The following GAS7 variants were observed in gnomAD, a reference collection of about 807,000 sequenced individuals.
GAS7 encodes the protein growth arrest specific 7.
A neutral mutation model predicts 71.1 loss-of-function variants in GAS7; 28 were observed. The ratio of observed to expected loss-of-function variants is 0.39; its 90% CI spans 0.29 to 0.54. GAS7 has a LOEUF of 0.54. Ranked by LOEUF, GAS7 falls within the 20% of genes least tolerant of loss-of-function variation. The pLI is 0.62. For missense variants in GAS7, 436 were observed against 627.8 expected, an observed-to-expected ratio of 0.69 and a Z score of 3.27; for synonymous variants, 258 against 245.8, an observed-to-expected ratio of 1.05 and a Z score of -0.46.
intron 1 of GAS7, among the ~76,000 whole-genome samples, chr17:10,135,985 G>A (rs1028246534): frequency 6.6e-6 from 1 of 152,180 alleles, no homozygotes; most frequent in Non-Finnish European, 1.5e-5. Flanking sequence ...GCATGACTTA[G>A]CGAGTTGGCC....
intron 1 of GAS7, chr17:10,039,935 T>C (rs1196767768): frequency 6.2e-6 from 2 of 323,274 alleles, no homozygotes; most frequent in Non-Finnish European, 1.2e-5. Flanking sequence ...TTCTCTTACA[T>C]GCCTGACAGC....
At chr17:9,935,671 C>T (rs1039404350) in intron 8 of GAS7, among the ~76,000 whole-genome samples, 51 of 152,278 alleles carry the variant, frequency 3.3e-4, no homozygotes, top group Middle Eastern at 3.4e-3. Flanking sequence ...GTGGTGGTGG[C>T]GCAGGCTCAG....
rs1305794931 is a variant in GAS7 at position 9,974,893 on chromosome 17, G to A, written c.386-5131C>T. Reference sequence around the variant, plus strand: ...CCATATCTCAGTACCGATCCCTGAGGGAAAAAGTCGCATCCTCAGAGCCCT... The same window carrying A: ...CCATATCTCAGTACCGATCCCTGAGAGAAAAAGTCGCATCCTCAGAGCCCT... On this transcript the variant is annotated intron_variant, in intron 3 of 13. Transcript: ENST00000432992. This position sits in a 1 kb window ranked among gnomAD's most constrained non-coding sequence, Gnocchi z 4.0. 8.5e-5 allele frequency among the ~76,000 whole-genome samples: 13 copies of A among 152,156 alleles called. No individual in the cohort carries two copies. Among genetic ancestry groups the A allele is most frequent in the Admixed American group, 7.9e-4 (12 of 15,274 alleles).
At chr17:10,046,785 AAAGGAAGGAAGG>A (rs57271954) in intron 1 of GAS7, among the ~76,000 whole-genome samples, 2,339 of 68,762 alleles carry the variant, frequency 0.034, 129 homozygotes, top group African/African-American at 0.071. Context: ...AGAAAGAAAG[AAAGGAAGGAAGG>A]AAGGAAGGAA....
chr17:10,006,265 G>T (rs1390905072), intron 2 of GAS7, among the ~76,000 whole-genome samples: 2 of 150,206 alleles, frequency 1.3e-5, no homozygotes, highest in African/African-American at 4.9e-5. Flanking sequence ...TTGTCCGGAT[G>T]CCAGGGTGCT....
intron 1 of GAS7, among the ~76,000 whole-genome samples, chr17:10,114,128 A>G (rs1171449581): frequency 6.6e-6 from 1 of 151,652 alleles, no homozygotes. Flanking sequence ...GGGTCTCCCT[A>G]TGTTGCGCAG....
At chr17:10,046,965 C>A (rs532154405) in intron 1 of GAS7, among the ~76,000 whole-genome samples, 2 of 152,010 alleles carry the variant, frequency 1.3e-5, no homozygotes, top group East Asian at 3.9e-4. Flanking sequence ...CACTCTCTGC[C>A]CATAATCTGA....
intron 1 of GAS7, among the ~76,000 whole-genome samples, chr17:10,131,121 C>T (rs964517721): frequency 2.6e-4 from 39 of 152,336 alleles, no homozygotes; most frequent in African/African-American, 9.4e-4. Context: ...TCCCTGACCC[C>T]TCCAGGTTAC....
At chr17:9,956,777 C>T (rs1244951803) in intron 5 of GAS7, among the ~76,000 whole-genome samples, 1 of 152,192 alleles carries the variant, frequency 6.6e-6, no homozygotes, top group African/African-American at 2.4e-5. Flanking sequence ...TCTGCGGGAT[C>T]AGACAGCACG....
At chr17:10,130,187 A>C (rs1025793212) in intron 1 of GAS7, among the ~76,000 whole-genome samples, 19 of 151,270 alleles carry the variant, frequency 1.3e-4, no homozygotes, top group African/African-American at 2.7e-4. Flanking sequence ...AAACAAAAAA[A>C]AACAAAAAAC....
At chr17:10,170,262 G>A (rs1345002701) in intron 1 of GAS7, among the ~76,000 whole-genome samples, 1 of 151,856 alleles carries the variant, frequency 6.6e-6, no homozygotes, top group Non-Finnish European at 1.5e-5. Context: ...CTGACACTCA[G>A]GGTAAATGTC....
chr17:9,926,561 C>T lies in GAS7; in HGVS notation c.1014+80G>A. The T allele has an allele frequency of 2.8e-6, 4 of 1,447,354 alleles. No individual in the cohort carries two copies. Among genetic ancestry groups the T allele is most frequent in the East Asian group, 2.3e-5 (1 of 44,022 alleles). The allele number at this position is 1,447,354 out of a possible 1,614,324, so 89.7% of individuals were successfully genotyped here. A position where few individuals can be genotyped will look rare whatever the true frequency, so the allele number is the denominator to read the frequency against. On this transcript the variant is annotated intron_variant, in intron 10 of 13. Coordinates refer to ENST00000432992, the MANE Select transcript of GAS7 (RefSeq NM_201433.2). The surrounding 1 kb of genome is among the most constrained non-coding windows in gnomAD (Gnocchi z 5.0). The stretch of plus-strand genomic sequence containing the variant: ...AAAGACTCAGCCTTGGCGTATGGAG[C>T]CACTGCTGGCTTCCCAGTCCCCCTT...
At chr17:10,145,777 A>G (rs886862360) in intron 1 of GAS7, among the ~76,000 whole-genome samples, 1 of 152,198 alleles carries the variant, frequency 6.6e-6, no homozygotes, top group Non-Finnish European at 1.5e-5. Flanking sequence ...GGAAACAGCA[A>G]TATATTCTAA....
chr17:10,135,193 A>AAAATTC (rs1468108497), intron 1 of GAS7, among the ~76,000 whole-genome samples: 71 of 152,146 alleles, frequency 4.7e-4, no homozygotes, highest in African/African-American at 1.7e-3. Context: ...TCTAGGAAAA[A>AAAATTC]GGTGGTAATT....
intron 1 of GAS7, among the ~76,000 whole-genome samples, chr17:10,040,019 G>A (rs1169163114): frequency 6.6e-6 from 1 of 152,156 alleles, no homozygotes; most frequent in Non-Finnish European, 1.5e-5. Flanking sequence ...CTAATTGCTG[G>A]GTTTCAATCT....
At chr17:10,064,514 C>T (rs2073259546) in intron 1 of GAS7, among the ~76,000 whole-genome samples, 1 of 152,224 alleles carries the variant, frequency 6.6e-6, no homozygotes, top group South Asian at 2.1e-4. Context: ...TGCCCTCTCC[C>T]CAACCACGGT....
chr17:10,019,685 CAGAG>C, intron 2 of GAS7, 88 bp downstream of exon 2: 1 of 1,283,574 alleles, frequency 7.8e-7, no homozygotes, highest in Non-Finnish European at 1.1e-6. Context: ...AACCCCCAAA[CAGAG>C]AGGCGAAGAA....
intron 1 of GAS7, among the ~76,000 whole-genome samples, chr17:10,065,603 T>C (rs896844204): frequency 6.6e-6 from 1 of 152,218 alleles, no homozygotes; most frequent in Non-Finnish European, 1.5e-5. Flanking sequence ...ATGCTTGTGA[T>C]TACATTTAGG....
chr17:10,138,385 A>G (rs929038672), intron 1 of GAS7, among the ~76,000 whole-genome samples: 2 of 152,232 alleles, frequency 1.3e-5, no homozygotes, highest in African/African-American at 4.8e-5. Flanking sequence ...TCGCCATTTT[A>G]CAGAAAAGGA....
Sources: gnomAD v4.1 joint callset for allele counts (sites outside exome capture counted in the v4.1 genomes callset) on GRCh38, gnomAD v4.1.1 for gene constraint, Gnocchi (gnomAD v3.1) non-coding constraint, MANE v1.5 for transcripts, NCBI Gene and HGNC (gene_info 2026-07-23, HGNC 2026-07-21) for gene names.